Variants in HOMER3 observed in about 807,000 individuals in gnomAD.
HOMER3 encodes the protein homer protein homolog 3.
HOMER3 carries 34 observed loss-of-function variants against 45.5 expected under a neutral mutation model. That is an observed-to-expected ratio of 0.75 (90% CI 0.57 to 1.00). The LOEUF (loss-of-function observed/expected upper bound fraction) is 1.00. Among genes scored for constraint, HOMER3 ranks in the 50% least tolerant of loss-of-function variants. The pLI, the probability that HOMER3 is intolerant of heterozygous loss-of-function variation, is 0.00. For synonymous variants in HOMER3, 223 were observed against 208.8 expected (o/e 1.07, Z -0.58); for missense variants, 480 against 497.5 (o/e 0.96, Z 0.33).
At chr19:18,938,679 T>C (rs1324260062) in intron 3 of HOMER3, 49 bp downstream of exon 3, 1 of 1,562,128 alleles carries the variant, frequency 6.4e-7, no homozygotes, top group Non-Finnish European at 8.7e-7. Context: ...GACCCAAGGT[T>C]GTCACCAGGA....
chr19:18,931,214 C>T, intron 9 of HOMER3, 111 bp downstream of exon 9: 1 of 957,616 alleles, frequency 1.0e-6, no homozygotes, highest in Non-Finnish European at 1.6e-6. Context: ...ATCAGGCCTT[C>T]CACAGGACTG....
Position 18,929,468 on chromosome 19 carries a change from G to T in HOMER3, c.1061C>A (p.Ala354Asp). 6.3e-7 allele frequency: 1 copy of T among 1,599,564 alleles called. No homozygotes were observed. Among genetic ancestry groups the T allele is most frequent in the Non-Finnish European group, 8.5e-7 (1 of 1,175,916 alleles). The change falls in exon 10 of 10, where the codon GCC becomes GAC. Residue 354 changes from alanine (A) to aspartate (D), a missense_variant. By Grantham distance (126) the Ala-to-Asp change is moderately radical. Transcript: ENST00000392351. ...FELSELREGL[A>D]RLAEAAP ...TCAGGGCGCAGCCTCAGCCAGGCGGGCCAGGCCCTCACGCAGCTCACTCAG... is the reference window on the plus strand; with the variant it reads ...TCAGGGCGCAGCCTCAGCCAGGCGGTCCAGGCCCTCACGCAGCTCACTCAG...
In HOMER3 at chr19:18,931,295, G is replaced by A. The variant is rs368973026; in HGVS notation, c.894+30C>T. Reference sequence around the variant, plus strand: ...TCTGTTGAGGTGACTGTCACCCACCGTCACCCCACCTCCTTGTGCCCACAC... The same window carrying A: ...TCTGTTGAGGTGACTGTCACCCACCATCACCCCACCTCCTTGTGCCCACAC... On this transcript the variant is annotated intron_variant, in intron 9 of 9. Coordinates refer to ENST00000392351, the MANE Select transcript of HOMER3 (RefSeq NM_004838.4). The A allele has an allele frequency of 8.8e-6, 14 of 1,587,374 alleles. 1 individual carries two copies. Among genetic ancestry groups the A allele is most frequent in the East Asian group, 6.7e-5 (3 of 44,574 alleles).
chr19:18,940,735 C>T (rs999832106), intron 1 of HOMER3: 4 of 152,182 alleles, frequency 2.6e-5, no homozygotes, highest in Non-Finnish European at 5.9e-5. Flanking sequence ...TGCCACCCCT[C>T]CAGTCCCTGG....
In HOMER3 at chr19:18,932,120, C is replaced by A; in HGVS notation, c.546G>T (p.Glu182Asp). 6.4e-7 allele frequency: 1 copy of A among 1,564,088 alleles called. No individual in the cohort carries two copies. Among genetic ancestry groups the A allele is most frequent in the Non-Finnish European group, 8.6e-7 (1 of 1,156,466 alleles). The change falls in exon 7 of 10, where the codon GAG becomes GAT. Residue 182 changes from glutamate to aspartate, a missense_variant. Physicochemically the swap from Glu to Asp is conservative, Grantham distance 45. Coordinates refer to ENST00000392351, the MANE Select transcript of HOMER3 (RefSeq NM_004838.4). The stretch of plus-strand genomic sequence containing the variant: ...CGAAAAACTCGGCCTCCCACTGTAC[C>A]TCGCCCACGGAGCTGCAGAGACACG... ...KKMLSEGSVG[E>D]VQWEAEFFAL...
chr19:18,931,352 C>G lies in HOMER3; in HGVS notation c.867G>C (p.Glu289Asp), dbSNP rs1159710041. The G allele has an allele frequency of 6.2e-7, 1 of 1,614,178 alleles. No homozygotes were observed. The highest frequency in any genetic ancestry group is 1.7e-5 in the Admixed American group (1 of 60,032). Reference protein sequence around the residue: ...GGPREALEAAEREETQQKVQD... With the variant: ...GGPREALEAADREETQQKVQD... Reference sequence around the variant, plus strand: ...GCACCTTCTGCTGAGTCTCCTCACGCTCGGCAGCCTCCAGGGCCTCGCGGG... The same window carrying G: ...GCACCTTCTGCTGAGTCTCCTCACGGTCGGCAGCCTCCAGGGCCTCGCGGG... Residue 289 changes from glutamate to aspartate, a missense_variant, in exon 9 of 10, where the codon GAG becomes GAC. Physicochemically the swap from Glu to Asp is conservative, Grantham distance 45. Transcript: ENST00000392351.
chr19:18,936,665 CAAA>C (rs779195619), intron 4 of HOMER3, among the ~76,000 whole-genome samples: 3 of 107,426 alleles, frequency 2.8e-5, no homozygotes. Context: ...ACTCTGTCTC[CAAA>C]AAAAAAAAAA....
At chr19:18,939,373 C>A in intron 1 of HOMER3, 1 of 223,760 alleles carries the variant, frequency 4.5e-6, no homozygotes, top group Non-Finnish European at 8.9e-6. Context: ...CCCAGGAGGT[C>A]AAGGCTGCAG....
At position 18,931,378 on chromosome 19, in the gene HOMER3, G is replaced by C. The variant is rs1321853115; in HGVS notation, c.841C>G (p.Pro281Ala). 8 of 1,614,126 alleles carry C rather than the reference G, an allele frequency of 5.0e-6. No homozygotes were observed. Among genetic ancestry groups the C allele is most frequent in the Non-Finnish European group, 6.8e-6 (8 of 1,180,016 alleles). ...IQTLKSQTGG[P>A]REALEAAERE... Reference sequence around the variant, plus strand: ...TCGGCAGCCTCCAGGGCCTCGCGGGGCCCCCCAGTCTGACTCTTCAGGGTC... The same window carrying C: ...TCGGCAGCCTCCAGGGCCTCGCGGGCCCCCCCAGTCTGACTCTTCAGGGTC... Residue 281 changes from proline (P) to alanine (A), a missense_variant, in exon 9 of 10, where the codon CCC (proline) becomes GCC (alanine). Coordinates refer to ENST00000392351, the MANE Select transcript of HOMER3 (RefSeq NM_004838.4).
At chr19:18,931,187 C>A in intron 9 of HOMER3, 138 bp downstream of exon 9, 1 of 704,292 alleles carries the variant, frequency 1.4e-6, no homozygotes, top group Non-Finnish European at 2.4e-6. Context: ...CCACTGTTCA[C>A]GCGGCACCTG....
At position 18,938,739 on chromosome 19, in the gene HOMER3, C is replaced by A. The variant is rs764417013; in HGVS notation, c.160G>T (p.Gly54Ter). Residue 54 changes from glycine to a stop codon, truncating the protein, a stop_gained, in exon 3 of 10, where the codon GGA (glycine) becomes TGA (stop). Transcript: ENST00000392351. LOFTEE classifies it high-confidence loss of function. ...GACCCCACCCTGACCTTGGCGCCTC[C>A]GATGCTGATGATGCGGTACACATTG... The part of the protein sequence containing the change: ...TRNVYRIISI[G>*]GAKAIINSTV... 1.9e-6 allele frequency: 3 copies of A among 1,594,342 alleles called. No individual in the cohort carries two copies. The highest frequency in any genetic ancestry group is 2.6e-6 in the Non-Finnish European group (3 of 1,170,790).
In HOMER3 at chr19:18,931,372, C is replaced by G. The variant is rs753159724; in HGVS notation, c.847G>C (p.Glu283Gln). 1.9e-6 allele frequency: 3 copies of G among 1,614,154 alleles called. No individual in the cohort carries two copies. The highest frequency in any genetic ancestry group is 3.3e-5 in the Admixed American group (2 of 60,026). Residue 283 changes from glutamate to glutamine, a missense_variant, in exon 9 of 10, where the codon GAG becomes CAG. Transcript: ENST00000392351. ...TCACGCTCGGCAGCCTCCAGGGCCT[C>G]GCGGGGCCCCCCAGTCTGACTCTTC... is the stretch of plus-strand genomic sequence containing the variant. Reference protein sequence around the residue: ...TLKSQTGGPREALEAAEREET... With the variant: ...TLKSQTGGPRQALEAAEREET...
chr19:18,932,879 A>ACCCCCCCCCCCCCCCCCCCCCC, intron 6 of HOMER3, 45 bp downstream of exon 6: 1 of 226,452 alleles, frequency 4.4e-6, no homozygotes, highest in Non-Finnish European at 8.4e-6. Context: ...CTCGTCCCCC[A>ACCCCCCCCCCCCCCCCCCCCCC]CCCCTACCCC....
intron 5 of HOMER3, among the ~76,000 whole-genome samples, chr19:18,933,620 G>C (rs547459963): frequency 1.8e-4 from 28 of 152,298 alleles, no homozygotes; most frequent in South Asian, 6.2e-4. Flanking sequence ...TACACAGCAG[G>C]TGCTCAATAA....
intron 4 of HOMER3, among the ~76,000 whole-genome samples, chr19:18,934,632 A>G (rs1018647286): frequency 6.6e-6 from 1 of 152,166 alleles, no homozygotes; most frequent in African/African-American, 2.4e-5. Flanking sequence ...ACATTGAGAA[A>G]GGGAAAGGAA....
Position 18,929,369 on chromosome 19 carries a change from A to C in HOMER3, c.*74T>G. ...ACCCCCCAGTCCCTTTCCAGGACGA[A>C]TGGGCCCAACTATGCCGCCTGCAGC... is the stretch of plus-strand genomic sequence containing the variant. On this transcript the variant is annotated 3_prime_UTR_variant, in exon 10 of 10. Transcript: ENST00000392351. 45 of 1,463,528 alleles carry C rather than the reference A, an allele frequency of 3.1e-5. No individual in the cohort carries two copies. The highest frequency in any genetic ancestry group is 4.0e-5 in the Non-Finnish European group (42 of 1,059,320). The allele number at this position is 1,463,528 out of a possible 1,614,324, so 90.7% of individuals were successfully genotyped here.
At chr19:18,940,490 G>A (rs1034493501) in intron 1 of HOMER3, 3 of 152,290 alleles carry the variant, frequency 2.0e-5, no homozygotes, top group Non-Finnish European at 4.4e-5. Context: ...ATCCCCACCC[G>A]AGGCAGGACA....
intron 4 of HOMER3, among the ~76,000 whole-genome samples, chr19:18,938,080 T>A (rs1390682699): frequency 6.6e-6 from 1 of 151,834 alleles, no homozygotes; most frequent in African/African-American, 2.4e-5. Flanking sequence ...TAGTCCCAGC[T>A]ACTCAGGAGG....
At chr19:18,933,216 C>T (rs770591597) in intron 5 of HOMER3, among the ~76,000 whole-genome samples, 171 bp from the exon 6 acceptor site, 108 of 152,268 alleles carry the variant, frequency 7.1e-4, no homozygotes, top group Non-Finnish European at 1.2e-3. Flanking sequence ...CCATGGCTCC[C>T]TGTGGCCCCT....
Sources: allele counts gnomAD v4.1 joint callset (sites outside exome capture counted in the v4.1 genomes callset), GRCh38; gene constraint gnomAD v4.1.1; transcripts MANE v1.5; gene names NCBI Gene and HGNC (gene_info 2026-07-23, HGNC 2026-07-21).